Variants in NRSN2 observed in about 807,000 individuals in gnomAD.
NRSN2 encodes the protein neurensin 2.
In NRSN2, 10 loss-of-function variants were observed where a neutral mutation model predicts 11.1. The ratio of observed to expected loss-of-function variants is 0.90; its 90% CI spans 0.56 to 1.53. The LOEUF (loss-of-function observed/expected upper bound fraction) is 1.53. NRSN2 is among the 40% of genes most tolerant of loss of function. NRSN2 has a pLI of 0.00. For synonymous variants in NRSN2, 100 were observed against 117.0 expected (o/e 0.86, Z 0.94); for missense variants, 260 against 273.7 (o/e 0.95, Z 0.35).
In NRSN2 at chr20:347,556, A is replaced by T. The variant is rs1218832077; in HGVS notation, c.-122+44A>T. The T allele has an allele frequency of 6.6e-6, 1 of 150,992 alleles. No homozygotes were observed. Among genetic ancestry groups the T allele is most frequent in the East Asian group, 2.0e-4 (1 of 5,064 alleles). The allele number at this position is 150,992 out of a possible 1,614,324, so 9.4% of individuals were successfully genotyped here. On this transcript the variant is annotated intron_variant, in intron 2 of 4. Transcript: ENST00000382285. The surrounding 1 kb of genome is among the most constrained non-coding windows in gnomAD (Gnocchi z 7.0). ...AAATGGCCTGATTTCCCCGGCCGACACCCCCTACCCATCCCCCCCGGGAGG... is the reference window on the plus strand; with the variant it reads ...AAATGGCCTGATTTCCCCGGCCGACTCCCCCTACCCATCCCCCCCGGGAGG...
intron 2 of NRSN2, among the ~76,000 whole-genome samples, chr20:348,802 A>G (rs1445921154): frequency 6.6e-6 from 1 of 151,406 alleles, no homozygotes; most frequent in Non-Finnish European, 1.5e-5. Context: ...CCAAACCTGT[A>G]TATGGATATA....
In NRSN2 at chr20:353,494, C is replaced by A. The variant is rs780154589; in HGVS notation, c.474C>A (p.His158Gln). ...AEPLDPEADS[H>Q]VEVFGDEPEQ... ...CCTTGGACCCCGAAGCCGACAGCCA[C>A]GTGGAGGTCTTCGGGGATGAGCCAG... Residue 158 changes from histidine to glutamine, a missense_variant, in exon 5 of 5, where the codon CAC becomes CAA. Coordinates refer to ENST00000382285, the MANE Select transcript of NRSN2 (RefSeq NM_001323682.2). 1.1e-5 allele frequency: 18 copies of A among 1,614,194 alleles called. No homozygotes were observed. The highest frequency in any genetic ancestry group is 1.3e-5 in the Non-Finnish European group (15 of 1,180,036).
chr20:353,713 A>C lies in NRSN2; in HGVS notation c.*78A>C. The C allele has an allele frequency of 6.9e-7, 1 of 1,449,600 alleles. No individual in the cohort carries two copies. Among genetic ancestry groups the C allele is most frequent in the Non-Finnish European group, 9.4e-7 (1 of 1,063,870 alleles). 89.8% of individuals were successfully genotyped at this position (1,449,600 alleles called of 1,614,324 possible). The stretch of plus-strand genomic sequence containing the variant: ...ATAACCCCCTCTCAGTGTTTCCCCA[A>C]CTTCTCCCTTTTAGCAGGGTCCCTT... On this transcript the variant is annotated 3_prime_UTR_variant, in exon 5 of 5. Transcript: ENST00000382285.
At position 349,626 on chromosome 20, in the gene NRSN2, C is replaced by T; in HGVS notation, c.-6-12C>T. ...CCCTCCCTCCGTCAGCTGCACCTTACCTGCTCCCCAGGGGTCCATGATGCC... is the reference window on the plus strand; with the variant it reads ...CCCTCCCTCCGTCAGCTGCACCTTATCTGCTCCCCAGGGGTCCATGATGCC... On this transcript the variant is annotated splice_polypyrimidine_tract_variant and intron_variant, in intron 3 of 4. Transcript: ENST00000382285. 6.2e-7 allele frequency: 1 copy of T among 1,600,072 alleles called. No homozygotes were observed. The highest frequency in any genetic ancestry group is 8.5e-7 in the Non-Finnish European group (1 of 1,172,360).
intron 4 of NRSN2, among the ~76,000 whole-genome samples, chr20:352,715 C>T (rs934250385): frequency 7.2e-5 from 11 of 152,190 alleles, no homozygotes; most frequent in African/African-American, 2.2e-4. Flanking sequence ...CTCAGTACTG[C>T]GGGAGAGGCA....
Position 353,934 on chromosome 20 carries a change from G to T in NRSN2, c.*299G>T, listed in dbSNP as rs1186909945. 4.6e-6 allele frequency: 2 copies of T among 434,836 alleles called. No individual in the cohort carries two copies. Among genetic ancestry groups the T allele is most frequent in the Non-Finnish European group, 8.2e-6 (2 of 242,750 alleles). 26.9% of individuals were successfully genotyped at this position (434,836 alleles called of 1,614,324 possible). A position where few individuals can be genotyped will look rare whatever the true frequency, so the allele number is the denominator to read the frequency against. ...CCCACTCCTTCCTCTGCATGACCTT[G>T]GGCAAACCCTTGCCCTTTCAAGCCA... On this transcript the variant is annotated 3_prime_UTR_variant, in exon 5 of 5. Coordinates refer to ENST00000382285, the MANE Select transcript of NRSN2 (RefSeq NM_001323682.2).
intron 2 of NRSN2, among the ~76,000 whole-genome samples, chr20:348,660 A>G (rs2013674020): frequency 6.6e-6 from 1 of 151,040 alleles, no homozygotes; most frequent in Non-Finnish European, 1.5e-5. Flanking sequence ...AGCTGTCAGG[A>G]CCTTTATCTT....
At position 347,916 on chromosome 20, in the gene NRSN2, G is replaced by C. The variant is rs45626235; in HGVS notation, c.-122+404G>C. ...GCCCCCCGCCCGCCAGACCTACTCC[G>C]TGCAGCCCTGAAACGCCAGGCGGAG... On this transcript the variant is annotated intron_variant, in intron 2 of 4. Coordinates refer to ENST00000382285, the MANE Select transcript of NRSN2 (RefSeq NM_001323682.2). This position sits in a 1 kb window ranked among gnomAD's most constrained non-coding sequence, Gnocchi z 7.0. Among the ~76,000 whole-genome samples, 14,200 of 151,962 alleles carry C rather than the reference G, an allele frequency of 0.093. 1,299 individuals are homozygous for C. The highest frequency in any genetic ancestry group is 0.23 in the African/African-American group (9,678 of 41,450).
At chr20:351,170 A>G (rs1399286922) in intron 4 of NRSN2, among the ~76,000 whole-genome samples, 1 of 152,252 alleles carries the variant, frequency 6.6e-6, no homozygotes, top group Admixed American at 6.5e-5. Context: ...CAGCAGTTGC[A>G]GTGAGCAGAG....
intron 4 of NRSN2, among the ~76,000 whole-genome samples, chr20:351,777 T>A (rs1031355379): frequency 6.6e-6 from 1 of 152,220 alleles, no homozygotes; most frequent in Non-Finnish European, 1.5e-5. Context: ...GATCTTTGAT[T>A]CAATGCAATG....
At chr20:353,089 C>G in intron 4 of NRSN2, 121 bp from the exon 5 acceptor site, 2 of 839,432 alleles carry the variant, frequency 2.4e-6, no homozygotes, top group Non-Finnish European at 3.9e-6. Context: ...TTCTGTGATT[C>G]CCATCTCCTG....
rs73891943 is a variant in NRSN2 at position 352,716 on chromosome 20, G to A, written c.190-494G>A. On this transcript the variant is annotated intron_variant, in intron 4 of 4. Transcript: ENST00000382285. ...GCTCTCATGGAGCTCTCAGTACTGC[G>A]GGAGAGGCAGACGTCACTTACATAG... 2.0e-3 allele frequency among the ~76,000 whole-genome samples: 305 copies of A among 152,320 alleles called. 3 individuals carry two copies. The highest frequency in any genetic ancestry group is 7.0e-3 in the African/African-American group (291 of 41,572).
chr20:349,017 G>C (rs890748050), intron 2 of NRSN2, among the ~76,000 whole-genome samples: 2 of 152,018 alleles, frequency 1.3e-5, no homozygotes, highest in African/African-American at 4.8e-5. Flanking sequence ...CCTTTTTATA[G>C]CCTTGCAGCT....
rs1372390127 is a variant in NRSN2 at position 347,874 on chromosome 20, C to T, written c.-122+362C>T. On this transcript the variant is annotated intron_variant, in intron 2 of 4. Coordinates refer to ENST00000382285, the MANE Select transcript of NRSN2 (RefSeq NM_001323682.2). The surrounding 1 kb of genome is among the most constrained non-coding windows in gnomAD (Gnocchi z 7.0). ...AGCGGTTCCCATGGCAACCCTCGTC[C>T]CGGGTGCCTGCGCCCCGCCCCCCGC... 6.6e-6 allele frequency among the ~76,000 whole-genome samples: 1 copy of T among 152,138 alleles called. No homozygotes were observed. The highest frequency in any genetic ancestry group is 1.5e-5 in the Non-Finnish European group (1 of 68,000).
In NRSN2 at chr20:353,572, G is replaced by A. The variant is rs149413562; in HGVS notation, c.552G>A (p.Ser184=). ...ATGCCAGTGGCCAGTCATGGTTCTC[G>A]CCACCCGCCAGCCCCTTTGGGCAAT... The part of the protein sequence containing the change: ...FRNASGQSWF[S]PPASPFGQSS... The change falls in exon 5 of 5, where the codon TCG becomes TCA. Residue 184 remains serine, a synonymous_variant. Coordinates refer to ENST00000382285, the MANE Select transcript of NRSN2 (RefSeq NM_001323682.2). 28 of 1,614,018 alleles carry A rather than the reference G, an allele frequency of 1.7e-5. No individual in the cohort carries two copies. In the African/African-American group the frequency reaches 1.9e-4, roughly 11 times the overall value.
rs1457372639 is a variant in NRSN2, at chr20:353,791, C to T, written c.*156C>T. On this transcript the variant is annotated 3_prime_UTR_variant, in exon 5 of 5. Coordinates refer to ENST00000382285, the MANE Select transcript of NRSN2 (RefSeq NM_001323682.2). ...AGCTCAAATCCCAGTGCTCCCTCCCCAGGAGTGGGGCCCCAACTCTTCCAA... is the reference window on the plus strand; with the variant it reads ...AGCTCAAATCCCAGTGCTCCCTCCCTAGGAGTGGGGCCCCAACTCTTCCAA... 1 of 800,942 alleles carries T rather than the reference C, an allele frequency of 1.2e-6. No individual in the cohort carries two copies. Among genetic ancestry groups the T allele is most frequent in the Non-Finnish European group, 1.9e-6 (1 of 524,546 alleles). The allele number at this position is 800,942 out of a possible 1,614,324, so 49.6% of individuals were successfully genotyped here.
rs770303534 is a variant in NRSN2 at position 353,547 on chromosome 20, A to G, written c.527A>G (p.Asn176Ser). Residue 176 changes from asparagine to serine, a missense_variant, in exon 5 of 5, where the codon AAT (asparagine) becomes AGT (serine). Coordinates refer to ENST00000382285, the MANE Select transcript of NRSN2 (RefSeq NM_001323682.2). The stretch of plus-strand genomic sequence containing the variant: ...CAGCAGTTGTCACCCATTTTCCGCA[A>G]TGCCAGTGGCCAGTCATGGTTCTCG... ...PEQQLSPIFR[N>S]ASGQSWFSPP... The G allele has an allele frequency of 1.1e-4, 170 of 1,613,972 alleles. No homozygotes were observed. Among genetic ancestry groups the G allele is most frequent in the Non-Finnish European group, 1.4e-4 (163 of 1,180,020 alleles).
At chr20:353,184 T>C (rs942916905) in intron 4 of NRSN2, 26 bp from the exon 5 acceptor site, 58 of 1,608,706 alleles carry the variant, frequency 3.6e-5, no homozygotes, top group Non-Finnish European at 4.7e-5. Context: ...CCCTGACTGC[T>C]TCCTGGTCTG....
intron 4 of NRSN2, among the ~76,000 whole-genome samples, chr20:350,664 AAAAAAAAAAAAAGAAAAAAG>A (rs2013883285): frequency 8.3e-6 from 1 of 120,686 alleles, no homozygotes; most frequent in Non-Finnish European, 1.8e-5. Context: ...AAAAAAAAAA[AAAAAAAAAAAAAGAAAAAAG>A]AAGGGAAAAT....
Sources: allele counts gnomAD v4.1 joint callset (sites outside exome capture counted in the v4.1 genomes callset), GRCh38; gene constraint gnomAD v4.1.1; non-coding constraint Gnocchi (gnomAD v3.1); transcripts MANE v1.5; gene names NCBI Gene and HGNC (gene_info 2026-07-23, HGNC 2026-07-21).